The following UFL1 variants were observed in gnomAD, a reference collection of about 807,000 sequenced individuals.
UFL1 encodes UFM1 specific ligase 1.
Under a neutral mutation model 99.3 loss-of-function variants are expected in UFL1, and 78 were observed. The ratio of observed to expected loss-of-function variants is 0.79; its 90% CI spans 0.65 to 0.95. The LOEUF is 0.95. UFL1 is among the 40% of genes least tolerant of loss of function. The pLI is 0.00. For synonymous variants in UFL1, 335 were observed against 322.2 expected, an observed-to-expected ratio of 1.04 and a Z score of -0.42; for missense variants, 936 against 937.0, an observed-to-expected ratio of 1.00 and a Z score of 0.01.
intron 9 of UFL1, 50 bp from the exon 10 acceptor site, chr6:96,538,581 C>T (rs909115352): frequency 1.9e-6 from 3 of 1,548,986 alleles, no homozygotes; most frequent in Non-Finnish European, 2.6e-6. Flanking sequence ...AATGGTTTCA[C>T]TGTATTATAT....
chr6:96,523,945 A>T (rs1458409475), intron 2 of UFL1, among the ~76,000 whole-genome samples: 3 of 152,132 alleles, frequency 2.0e-5, no homozygotes, highest in Non-Finnish European at 4.4e-5. Context: ...TACCTTTAAA[A>T]TATGAGCTAT....
chr6:96,554,653 A>G lies in UFL1; in HGVS notation c.*1150A>G, dbSNP rs1012497207. 3 of 152,382 alleles carry G rather than the reference A, an allele frequency of 2.0e-5. No homozygotes were observed. The highest frequency in any genetic ancestry group is 1.3e-4 in the Admixed American group (2 of 15,268). The allele number at this position is 152,382 out of a possible 1,614,324, so 9.4% of individuals were successfully genotyped here. ...TATATAATTCCTTATGACATTTTAA[A>G]CTTTATATTTTAAAATATTTGAATA... On this transcript the variant is annotated 3_prime_UTR_variant, in exon 19 of 19. Coordinates refer to ENST00000369278, the MANE Select transcript of UFL1 (RefSeq NM_015323.5).
At position 96,528,643 on chromosome 6, in the gene UFL1, T is replaced by A. The variant is rs1356230074; in HGVS notation, c.596+11T>A. ...CAGTGCTATTACCCGGTAAGTATAT[T>A]TTAAAGTATATATATTTGCACATTT... On this transcript the variant is annotated intron_variant, in intron 6 of 18. Coordinates refer to ENST00000369278, the MANE Select transcript of UFL1 (RefSeq NM_015323.5). 6.2e-7 allele frequency: 1 copy of A among 1,605,006 alleles called. No homozygotes were observed. Among genetic ancestry groups the A allele is most frequent in the South Asian group, 1.1e-5 (1 of 89,286 alleles).
At chr6:96,539,412 T>G (rs1245471729) in intron 10 of UFL1, among the ~76,000 whole-genome samples, 1 of 151,632 alleles carries the variant, frequency 6.6e-6, no homozygotes, top group Admixed American at 6.6e-5. Context: ...CCCATTTATT[T>G]TAAACTGTTA....
chr6:96,540,753 T>C (rs1769920093), intron 11 of UFL1, 98 bp downstream of exon 11: 1 of 1,412,060 alleles, frequency 7.1e-7, no homozygotes, highest in Non-Finnish European at 9.4e-7. Flanking sequence ...GGCCCTTTGT[T>C]TTATTGATTT....
At chr6:96,534,990 C>T (rs1461474337) in intron 7 of UFL1, among the ~76,000 whole-genome samples, 1 of 151,732 alleles carries the variant, frequency 6.6e-6, no homozygotes, top group African/African-American at 2.4e-5. Context: ...TTTTGTTTGA[C>T]TGATTTAAAA....
chr6:96,551,575 G>C (rs1770080771), intron 16 of UFL1, 62 bp downstream of exon 16: 1 of 1,182,408 alleles, frequency 8.5e-7, no homozygotes, highest in African/African-American at 1.6e-5. Context: ...AGATCTTTGA[G>C]TAGATTTTTT....
intron 12 of UFL1, among the ~76,000 whole-genome samples, chr6:96,547,934 C>A (rs1230705994): frequency 2.0e-5 from 3 of 151,510 alleles, no homozygotes; most frequent in Admixed American, 6.6e-5. Flanking sequence ...ATTCATGTAA[C>A]AAGCATGCAT....
At position 96,521,894 on chromosome 6, in the gene UFL1, G is replaced by T. The variant is rs751951771; in HGVS notation, c.21G>T (p.Glu7Asp). 6 of 1,612,790 alleles carry T rather than the reference G, an allele frequency of 3.7e-6. No individual in the cohort carries two copies. In the East Asian group the frequency reaches 1.3e-4, roughly 36 times the overall value. MADAWEEIRRLAADFQR... is the reference protein window; with the variant it reads MADAWEDIRRLAADFQR... ...CCGTGATGGCGGACGCCTGGGAAGA[G>T]ATTAGGCGGTTGGCGGCCGACTTCC... Residue 7 changes from glutamate (E) to aspartate (D), a missense_variant, in exon 1 of 19, where the codon GAG (glutamate) becomes GAT (aspartate). Physicochemically the swap from Glu to Asp is conservative, Grantham distance 45. Coordinates refer to ENST00000369278, the MANE Select transcript of UFL1 (RefSeq NM_015323.5).
intron 6 of UFL1, among the ~76,000 whole-genome samples, chr6:96,531,858 T>C (rs575545836): frequency 1.3e-5 from 2 of 152,322 alleles, no homozygotes; most frequent in South Asian, 2.1e-4. Flanking sequence ...AAATAAGTTT[T>C]GAGCCTCAAA....
intron 13 of UFL1, 131 bp downstream of exon 13, chr6:96,548,412 A>G: frequency 1.7e-6 from 1 of 587,708 alleles, no homozygotes; most frequent in Middle Eastern, 4.7e-4. Flanking sequence ...TAACCTAGCC[A>G]CCAAATTCCA....
chr6:96,528,669 C>T (rs373143308), intron 6 of UFL1, 37 bp downstream of exon 6: 1 of 1,546,196 alleles, frequency 6.5e-7, no homozygotes, highest in Non-Finnish European at 8.7e-7. Flanking sequence ...TTGCACATTT[C>T]TTTGATCATG....
chr6:96,550,574 T>C (rs1770063900), intron 15 of UFL1, among the ~76,000 whole-genome samples: 1 of 151,984 alleles, frequency 6.6e-6, no homozygotes, highest in East Asian at 1.9e-4. Flanking sequence ...CCCTGGAATG[T>C]TGTTTAGTTT....
chr6:96,548,346 T>C, intron 13 of UFL1, 65 bp downstream of exon 13: 2 of 1,067,040 alleles, frequency 1.9e-6, no homozygotes, highest in Non-Finnish European at 2.7e-6. Context: ...AATAAGATTT[T>C]TTCCAAGATC....
In UFL1 at chr6:96,551,800, T is replaced by C. The variant is rs369395074; in HGVS notation, c.1900-38T>C. On this transcript the variant is annotated intron_variant, in intron 16 of 18. Coordinates refer to ENST00000369278, the MANE Select transcript of UFL1 (RefSeq NM_015323.5). ...ATGGCTATACTTCCTTATGCAGTTA[T>C]ATATAAAAGTAAATTATGGTATTCA... The C allele has an allele frequency of 1.3e-4, 177 of 1,324,834 alleles. 1 individual carries two copies. Among genetic ancestry groups the C allele is most frequent in the Admixed American group, 4.0e-4 (19 of 47,718 alleles). The allele number at this position is 1,324,834 out of a possible 1,614,324, so 82.1% of individuals were successfully genotyped here. A position where few individuals can be genotyped will look rare whatever the true frequency, so the allele number is the denominator to read the frequency against.
chr6:96,548,731 A>G (rs1211801803), intron 13 of UFL1, among the ~76,000 whole-genome samples: 1 of 151,776 alleles, frequency 6.6e-6, no homozygotes. Flanking sequence ...AGGCACTCCT[A>G]CCTTATGAAT....
rs181630674 is a variant in UFL1, at chr6:96,526,511, A to T, written c.465+76A>T. 2.8e-6 allele frequency: 3 copies of T among 1,081,606 alleles called. No homozygotes were observed. In the East Asian group the frequency reaches 7.6e-5, roughly 27 times the overall value. 67.0% of individuals were successfully genotyped at this position (1,081,606 alleles called of 1,614,324 possible). On this transcript the variant is annotated intron_variant, in intron 5 of 18. Transcript: ENST00000369278. ...ACGAAGACTTTGAATGGAAGGGGGA[A>T]AAAAAAATGAGACTTCCTCACCATC...
At chr6:96,535,777 T>C (rs1320602086) in intron 7 of UFL1, among the ~76,000 whole-genome samples, 2 of 152,060 alleles carry the variant, frequency 1.3e-5, no homozygotes, top group Non-Finnish European at 2.9e-5. Flanking sequence ...TTTAAACTGC[T>C]TATAGTTGTA....
rs569474842 is a variant in UFL1, at chr6:96,540,711, T to G, written c.1279+56T>G. ...GTTTTGTATTTGTTGCAGTGAACTT[T>G]GCATTTATCACATTTATTATGCCCT... On this transcript the variant is annotated intron_variant, in intron 11 of 18. Coordinates refer to ENST00000369278, the MANE Select transcript of UFL1 (RefSeq NM_015323.5). The G allele has an allele frequency of 2.6e-5, 41 of 1,557,726 alleles. No homozygotes were observed. The East Asian group carries it at 7.7e-4, about 29-fold the overall frequency.
Sources: gnomAD v4.1 joint callset for allele counts (sites outside exome capture counted in the v4.1 genomes callset) on GRCh38, gnomAD v4.1.1 for gene constraint, MANE v1.5 for transcripts, NCBI Gene and HGNC (gene_info 2026-07-23, HGNC 2026-07-21) for gene names.